SPOCK1: variants seen among roughly 807,000 people sequenced by gnomAD.
SPOCK1 encodes the protein testican-1.
A neutral mutation model predicts 55.3 loss-of-function variants in SPOCK1; 23 were observed. That is an observed-to-expected ratio of 0.42 (90% CI 0.30 to 0.59). SPOCK1 has a LOEUF of 0.59. SPOCK1 is among the 20% of genes least tolerant of loss of function. The pLI is 0.22. For synonymous variants in SPOCK1, 226 were observed against 221.0 expected (o/e 1.02, Z -0.20); for missense variants, 499 against 552.5 (o/e 0.90, Z 0.97).
At chr5:137,127,815 T>C (rs1753805217) in intron 4 of SPOCK1, among the ~76,000 whole-genome samples, 1 of 152,360 alleles carries the variant, frequency 6.6e-6, no homozygotes, top group East Asian at 1.9e-4. Flanking sequence ...GTATCTTGAA[T>C]CTCATTCCTA....
At chr5:137,185,080 T>C (rs567452152) in intron 3 of SPOCK1, among the ~76,000 whole-genome samples, 1 of 151,894 alleles carries the variant, frequency 6.6e-6, no homozygotes, top group African/African-American at 2.4e-5. Context: ...AGAGAATGAA[T>C]GAAATGACAA....
At chr5:137,495,535 T>C (rs113491272) in intron 2 of SPOCK1, among the ~76,000 whole-genome samples, 1 of 152,224 alleles carries the variant, frequency 6.6e-6, no homozygotes, top group East Asian at 1.9e-4. Flanking sequence ...AAAATTGACA[T>C]GCATCATAAC....
At chr5:137,467,708 G>T (rs1017454395) in intron 2 of SPOCK1, among the ~76,000 whole-genome samples, 2 of 152,160 alleles carry the variant, frequency 1.3e-5, no homozygotes, top group Non-Finnish European at 2.9e-5. Flanking sequence ...CAGGTAAAGG[G>T]CAGGGCCGGT....
chr5:137,373,223 T>C (rs994434669), intron 2 of SPOCK1, among the ~76,000 whole-genome samples: 5 of 152,228 alleles, frequency 3.3e-5, no homozygotes, highest in Admixed American at 6.5e-5. Context: ...ACAGGCCTAA[T>C]GCTAATTACC....
chr5:136,988,664 C>T (rs1385028432), intron 7 of SPOCK1, 21 bp from the exon 8 acceptor site: 1 of 1,600,322 alleles, frequency 6.2e-7, no homozygotes, highest in Non-Finnish European at 8.5e-7. Flanking sequence ...AAAGGCATAT[C>T]TCAGCTGCCA....
At chr5:137,129,957 C>A (rs1032077369) in intron 4 of SPOCK1, among the ~76,000 whole-genome samples, 13 of 152,176 alleles carry the variant, frequency 8.5e-5, no homozygotes, top group Admixed American at 6.5e-5. Flanking sequence ...GGAAAGGGAT[C>A]ATTTTAAAGA....
At chr5:137,189,531 G>A (rs780922234) in intron 3 of SPOCK1, among the ~76,000 whole-genome samples, 13 of 152,106 alleles carry the variant, frequency 8.5e-5, no homozygotes, top group Non-Finnish European at 7.4e-5. Context: ...TCACGGTTAC[G>A]ATACCTACCA....
At chr5:137,055,457 C>CT (rs1282513771) in intron 6 of SPOCK1, among the ~76,000 whole-genome samples, 1 of 152,202 alleles carries the variant, frequency 6.6e-6, no homozygotes, top group African/African-American at 2.4e-5. Flanking sequence ...AGTAACAGAT[C>CT]TGTGTTATTT....
At chr5:137,411,630 C>T (rs936708481) in intron 2 of SPOCK1, among the ~76,000 whole-genome samples, 2 of 152,198 alleles carry the variant, frequency 1.3e-5, no homozygotes, top group African/African-American at 4.8e-5. Flanking sequence ...TGCCACTTCC[C>T]AGCTGTGTGT....
intron 5 of SPOCK1, among the ~76,000 whole-genome samples, chr5:137,072,716 C>CT (rs1185448984): frequency 2.6e-5 from 4 of 152,246 alleles, no homozygotes; most frequent in Non-Finnish European, 5.9e-5. Context: ...CCACACTCTG[C>CT]TTTGCCTCTC....
intron 2 of SPOCK1, among the ~76,000 whole-genome samples, chr5:137,408,404 G>A (rs183563159): frequency 2.0e-5 from 3 of 152,332 alleles, no homozygotes; most frequent in Non-Finnish European, 2.9e-5. Context: ...CCAGCAGACT[G>A]AGGCTGAAGA....
chr5:137,129,158 C>A (rs1753829451), intron 4 of SPOCK1, among the ~76,000 whole-genome samples: 1 of 152,198 alleles, frequency 6.6e-6, no homozygotes, highest in Non-Finnish European at 1.5e-5. Context: ...GCCTTTCTTT[C>A]CAGCCTCATG....
chr5:137,090,053 G>A (rs142929063), intron 5 of SPOCK1, among the ~76,000 whole-genome samples: 26 of 152,252 alleles, frequency 1.7e-4, no homozygotes, highest in African/African-American at 6.0e-4. Context: ...GATTTGGTTG[G>A]GACTACATGG....
intron 2 of SPOCK1, among the ~76,000 whole-genome samples, chr5:137,274,119 T>G (rs1757018985): frequency 6.6e-6 from 1 of 152,212 alleles, no homozygotes; most frequent in African/African-American, 2.4e-5. Flanking sequence ...GCCCTGTGTT[T>G]GGGCTTTTCT....
At position 136,978,441 on chromosome 5, in the gene SPOCK1, AAC is replaced by A. The variant is rs1750657884; in HGVS notation, c.*211_*212del. ...CTTCCCTATCCAAAAAATAAACAAC[AAC>A]AAAAAAAAAACACAACACCCTTTCT... On this transcript the variant is annotated 3_prime_UTR_variant, in exon 11 of 11. Transcript: ENST00000394945. The A allele has an allele frequency of 1.5e-5, 5 of 343,594 alleles. No individual in the cohort carries two copies. Among genetic ancestry groups the A allele is most frequent in the Non-Finnish European group, 2.5e-5 (5 of 201,784 alleles). 21.3% of individuals were successfully genotyped at this position (343,594 alleles called of 1,614,324 possible).
At chr5:137,426,938 C>T (rs1752624848) in intron 2 of SPOCK1, among the ~76,000 whole-genome samples, 1 of 152,188 alleles carries the variant, frequency 6.6e-6, no homozygotes, top group Non-Finnish European at 1.5e-5. Flanking sequence ...TTCACATTCT[C>T]CTTCCAGAGT....
chr5:137,228,661 A>G (rs2127092222), intron 3 of SPOCK1, among the ~76,000 whole-genome samples: 1 of 152,094 alleles, frequency 6.6e-6, no homozygotes, highest in Non-Finnish European at 1.5e-5. Flanking sequence ...AAAACAAAAG[A>G]AAACAAAAAA....
At chr5:137,319,614 C>A (rs1757943291) in intron 2 of SPOCK1, among the ~76,000 whole-genome samples, 1 of 152,118 alleles carries the variant, frequency 6.6e-6, no homozygotes, top group Non-Finnish European at 1.5e-5. Flanking sequence ...AATAGGAAAC[C>A]CGAGAGCTCA....
At chr5:137,151,449 G>C (rs1260706753) in intron 3 of SPOCK1, among the ~76,000 whole-genome samples, 1 of 152,184 alleles carries the variant, frequency 6.6e-6, no homozygotes, top group East Asian at 1.9e-4. Flanking sequence ...GTCATTAGGA[G>C]CTCTTTGGTA....
Sources: gnomAD v4.1 joint callset for allele counts (sites outside exome capture counted in the v4.1 genomes callset) on GRCh38, gnomAD v4.1.1 for gene constraint, MANE v1.5 for transcripts, NCBI Gene and HGNC (gene_info 2026-07-23, HGNC 2026-07-21) for gene names.